Variants in COA1 observed in about 807,000 individuals in gnomAD.
COA1 encodes cytochrome c oxidase assembly factor 1 homolog.
Under a neutral mutation model 16.0 loss-of-function variants are expected in COA1, and 13 were observed. That is an observed-to-expected ratio of 0.81 (90% confidence interval 0.53 to 1.29). The LOEUF is 1.29. Ranked by LOEUF, COA1 falls within the 50% of genes most tolerant of loss-of-function variation. COA1 has a pLI of 0.00. For synonymous variants in COA1, 65 were observed against 65.7 expected, an observed-to-expected ratio of 0.99 and a Z score of 0.05; for missense variants, 179 against 177.0, an observed-to-expected ratio of 1.01 and a Z score of -0.06.
At chr7:43,612,098 C>T (rs13437772) in intron 6 of COA1, among the ~76,000 whole-genome samples, 22,316 of 152,210 alleles carry the variant, frequency 0.15, 2,181 homozygotes, top group Non-Finnish European at 0.21. Context: ...CTCTAATACA[C>T]TTGGTTTAGA....
At chr7:43,696,693 A>G (rs750181182) in intron 1 of COA1, among the ~76,000 whole-genome samples, 10 of 147,806 alleles carry the variant, frequency 6.8e-5, no homozygotes, top group Non-Finnish European at 1.5e-4. Flanking sequence ...ATGTTGATAT[A>G]TACATATGTG....
At chr7:43,643,837 A>C (rs762804054) in intron 4 of COA1, among the ~76,000 whole-genome samples, 1 of 152,254 alleles carries the variant, frequency 6.6e-6, no homozygotes, top group Non-Finnish European at 1.5e-5. Context: ...TAATCAGAAT[A>C]CCAGAGCATG....
At chr7:43,642,701 T>C (rs765878025) in intron 4 of COA1, among the ~76,000 whole-genome samples, 2 of 152,198 alleles carry the variant, frequency 1.3e-5, no homozygotes, top group African/African-American at 2.4e-5. Context: ...TGTGACACTT[T>C]ACAGGTTGGT....
downstream of COA1, among the ~76,000 whole-genome samples, chr7:43,638,260 A>G (rs1241224292): frequency 1.3e-5 from 2 of 150,264 alleles, no homozygotes; most frequent in African/African-American, 2.5e-5. Context: ...CTTCTCTTCA[A>G]TGAATATTAA....
At chr7:43,728,855 T>A (rs1426589164) in intron 1 of COA1, among the ~76,000 whole-genome samples, 1 of 152,184 alleles carries the variant, frequency 6.6e-6, no homozygotes, top group Non-Finnish European at 1.5e-5. Flanking sequence ...TAGATTTTTT[T>A]AAATTACACA....
downstream of COA1, among the ~76,000 whole-genome samples, chr7:43,638,212 A>T (rs2086230242): frequency 7.3e-6 from 1 of 137,152 alleles, no homozygotes; most frequent in Non-Finnish European, 1.5e-5. Flanking sequence ...CTCTACTAGC[A>T]TGTTTAAGCT....
At chr7:43,729,069 T>A (rs1315960755) in intron 1 of COA1, among the ~76,000 whole-genome samples, 1 of 152,222 alleles carries the variant, frequency 6.6e-6, no homozygotes, top group Non-Finnish European at 1.5e-5. Context: ...AGCGTACTCC[T>A]CAGGGTGTTG....
chr7:43,693,917 C>T (rs921462071), intron 1 of COA1, among the ~76,000 whole-genome samples: 1 of 151,956 alleles, frequency 6.6e-6, no homozygotes, highest in African/African-American at 2.4e-5. Context: ...AATCACACAC[C>T]ATTTTAGTCT....
chr7:43,712,868 CT>C (rs796700743), intron 1 of COA1, among the ~76,000 whole-genome samples: 276 of 147,592 alleles, frequency 1.9e-3, no homozygotes, highest in African/African-American at 6.3e-3. Context: ...TCTAGCTGGA[CT>C]TTTTTTTTTA....
chr7:43,620,235 T>C (rs1489834863), intron 6 of COA1, among the ~76,000 whole-genome samples: 2 of 152,176 alleles, frequency 1.3e-5, no homozygotes, highest in African/African-American at 4.8e-5. Flanking sequence ...TCCATGGGTG[T>C]AGGCGTATCA....
chr7:43,695,026 T>C (rs1482977136), intron 1 of COA1, among the ~76,000 whole-genome samples: 3 of 152,226 alleles, frequency 2.0e-5, no homozygotes, highest in African/African-American at 4.8e-5. Context: ...TGATTCTACT[T>C]TCAAAATATA....
intron 1 of COA1, among the ~76,000 whole-genome samples, chr7:43,711,012 GT>G (rs35186957): frequency 0.16 from 22,904 of 146,164 alleles, 2,168 homozygotes; most frequent in Non-Finnish European, 0.22. Context: ...TTTGTTGATG[GT>G]TTTTTTTTTT....
At chr7:43,679,552 T>A (rs951578867) in intron 1 of COA1, among the ~76,000 whole-genome samples, 11 of 152,270 alleles carry the variant, frequency 7.2e-5, no homozygotes, top group African/African-American at 2.6e-4. Context: ...GAGAATGACA[T>A]GAACTAGATT....
At chr7:43,645,116 T>TA (rs567067058) in intron 4 of COA1, 135 bp downstream of exon 4, 226 of 533,372 alleles carry the variant, frequency 4.2e-4, no homozygotes, top group African/African-American at 4.1e-3. Flanking sequence ...AAACTTTTTT[T>TA]AAAGGTGCCA....
intron 1 of COA1, among the ~76,000 whole-genome samples, chr7:43,699,145 A>C (rs1299881113): frequency 6.6e-6 from 1 of 152,120 alleles, no homozygotes; most frequent in Non-Finnish European, 1.5e-5. Context: ...ACATTAATTG[A>C]GACACTCGTA....
At chr7:43,720,688 G>C (rs1222132248) in intron 1 of COA1, among the ~76,000 whole-genome samples, 3 of 152,206 alleles carry the variant, frequency 2.0e-5, no homozygotes, top group African/African-American at 7.2e-5. Context: ...AGAGAACACT[G>C]AGAGGTCTTA....
chr7:43,608,814 A>G (rs1364140151), exon 7 of COA1: 1 of 154,590 alleles, frequency 6.5e-6, no homozygotes, highest in African/African-American at 2.4e-5. Flanking sequence ...AAGCTGGGGA[A>G]AGGCTGGATT....
chr7:43,728,086 T>G (rs2095655206), intron 1 of COA1, among the ~76,000 whole-genome samples: 1 of 151,806 alleles, frequency 6.6e-6, no homozygotes, highest in Non-Finnish European at 1.5e-5. Flanking sequence ...ACCATCCTCC[T>G]GCCTCAGCCT....
At chr7:43,687,014 CT>C (rs1386245185) in intron 1 of COA1, among the ~76,000 whole-genome samples, 15 of 152,146 alleles carry the variant, frequency 9.9e-5, no homozygotes, top group African/African-American at 3.4e-4. Flanking sequence ...CCCTCCTATA[CT>C]TTATAATCAA....
Sources: allele counts gnomAD v4.1 joint callset (sites outside exome capture counted in the v4.1 genomes callset), GRCh38; gene constraint gnomAD v4.1.1; transcripts MANE v1.5; gene names NCBI Gene and HGNC (gene_info 2026-07-23, HGNC 2026-07-21).